GABPA: variants seen among roughly 807,000 people sequenced by gnomAD.
GABPA encodes GA-binding protein alpha chain.
In GABPA, 4 loss-of-function variants were observed where a neutral mutation model predicts 59.4. The observed-to-expected ratio is 0.07, with a 90% CI of 0.03 to 0.15. GABPA has a LOEUF of 0.15. GABPA is among the 10% of genes least tolerant of loss of function. The pLI is 1.00. For missense variants in GABPA, 251 were observed against 543.8 expected (o/e 0.46, Z 5.36); for synonymous variants, 164 against 183.1 (o/e 0.90, Z 0.84).
chr21:25,763,534 T>C (rs549117272), intron 7 of GABPA, among the ~76,000 whole-genome samples: 2 of 152,216 alleles, frequency 1.3e-5, no homozygotes, highest in Non-Finnish European at 2.9e-5. Context: ...ATTTTATGTT[T>C]ATTACTGTCT....
intron 4 of GABPA, among the ~76,000 whole-genome samples, chr21:25,751,500 A>AT (rs1352135321): frequency 6.6e-6 from 1 of 151,574 alleles, no homozygotes; most frequent in African/African-American, 2.4e-5. Flanking sequence ...GGTTAATTTA[A>AT]TTTAGTAAAT....
chr21:25,758,817 C>T (rs779506626), intron 6 of GABPA, among the ~76,000 whole-genome samples: 8 of 152,098 alleles, frequency 5.3e-5, no homozygotes, highest in Non-Finnish European at 8.8e-5. Context: ...GATTAAGTGA[C>T]CATGTAAAGA....
rs775900065 is a variant in GABPA, at chr21:25,762,357, T to C, written c.794T>C (p.Ile265Thr). ...QEQQMNEIVTIDQPVQIIPAS... is the reference protein window; with the variant it reads ...QEQQMNEIVTTDQPVQIIPAS... ...CAACAGATGAATGAAATAGTTACAA[T>C]TGATCAACGTGAGTATTTGTACCTA... is the stretch of plus-strand genomic sequence containing the variant. The change falls in exon 7 of 10, where the codon ATT becomes ACT. Residue 265 changes from isoleucine (I) to threonine (T), a missense_variant. Ile to Thr is a moderately conservative substitution (Grantham distance 89). Around this residue, in one of 4 missense-constraint regions of GABPA, gnomAD observed 207 missense variants for 366.7 expected, o/e 0.56. Transcript: ENST00000400075. The C allele has an allele frequency of 7.6e-6, 12 of 1,574,786 alleles. No homozygotes were observed. Among genetic ancestry groups the C allele is most frequent in the African/African-American group, 2.7e-5 (2 of 73,464 alleles).
At position 25,769,925 on chromosome 21, in the gene GABPA, A is replaced by G. The variant is rs994513819; in HGVS notation, c.*693A>G. On this transcript the variant is annotated 3_prime_UTR_variant, in exon 10 of 10. Coordinates refer to ENST00000400075, the MANE Select transcript of GABPA (RefSeq NM_002040.4). ...TATAGATTACTCATGTCAGACCAAG[A>G]ATTTAAATTATTTTGAGAGAGGCAT... The G allele has an allele frequency of 1.3e-4, 20 of 152,620 alleles. No individual in the cohort carries two copies. The highest frequency in any genetic ancestry group is 4.8e-4 in the African/African-American group (20 of 41,454). The allele number at this position is 152,620 out of a possible 1,614,324, so 9.5% of individuals were successfully genotyped here.
chr21:25,749,669 T>A (rs1297605444), intron 4 of GABPA, among the ~76,000 whole-genome samples: 4 of 152,136 alleles, frequency 2.6e-5, no homozygotes, highest in African/African-American at 7.2e-5. Context: ...CCATCTCTAC[T>A]AAAAATACAG....
chr21:25,763,411 C>G (rs1022079686), intron 7 of GABPA: 1 of 207,656 alleles, frequency 4.8e-6, no homozygotes. Context: ...ATTTGAGATA[C>G]ACAAAGAAAG....
chr21:25,749,714 C>G (rs2035459568), intron 4 of GABPA, among the ~76,000 whole-genome samples: 1 of 152,234 alleles, frequency 6.6e-6, no homozygotes, highest in Non-Finnish European at 1.5e-5. Context: ...GCCTGTAATC[C>G]CAGCTACTTG....
intron 4 of GABPA, among the ~76,000 whole-genome samples, chr21:25,750,590 G>A (rs1366337861): frequency 6.6e-6 from 1 of 152,154 alleles, no homozygotes; most frequent in Non-Finnish European, 1.5e-5. Flanking sequence ...GTTTTTGGTA[G>A]GTTGAATTTT....
intron 3 of GABPA, among the ~76,000 whole-genome samples, chr21:25,745,863 C>T (rs1911887574): frequency 6.6e-6 from 1 of 152,090 alleles, no homozygotes; most frequent in Non-Finnish European, 1.5e-5. Flanking sequence ...TATGTTATGT[C>T]TGAAACATAT....
intron 3 of GABPA, among the ~76,000 whole-genome samples, chr21:25,747,068 G>A (rs1405255662): frequency 6.6e-6 from 1 of 152,168 alleles, no homozygotes; most frequent in African/African-American, 2.4e-5. Context: ...GTCACATTCT[G>A]CAGATGTAGA....
chr21:25,741,389 C>G (rs897281332), intron 1 of GABPA, among the ~76,000 whole-genome samples, 184 bp from the exon 2 acceptor site: 2 of 151,914 alleles, frequency 1.3e-5, no homozygotes, highest in African/African-American at 2.4e-5. Context: ...CTGCCTTGGC[C>G]TCCCAAAGTC....
rs745725266 is a variant in GABPA, at chr21:25,764,586, C to T, written c.944-9C>T. The T allele has an allele frequency of 1.6e-5, 26 of 1,608,078 alleles. No individual in the cohort carries two copies. The highest frequency in any genetic ancestry group is 2.2e-5 in the Non-Finnish European group (26 of 1,176,128). ...TATAGCTAATGCTTTGTTCCTCTTA[C>T]CAATTTAGGAAACAATGGCCAAATC... On this transcript the variant is annotated splice_polypyrimidine_tract_variant and intron_variant, in intron 8 of 9. Transcript: ENST00000400075.
chr21:25,747,832 A>T (rs2035406091), intron 3 of GABPA, among the ~76,000 whole-genome samples: 1 of 152,238 alleles, frequency 6.6e-6, no homozygotes, highest in Non-Finnish European at 1.5e-5. Context: ...CTTGACATTA[A>T]GACAATTTTT....
rs530392554 is a variant in GABPA at position 25,735,326 on chromosome 21, C to T, written c.-279C>T. 19 of 259,658 alleles carry T rather than the reference C, an allele frequency of 7.3e-5. No homozygotes were observed. The highest frequency in any genetic ancestry group is 1.5e-4 in the Admixed American group (3 of 19,488). 16.1% of individuals were successfully genotyped at this position (259,658 alleles called of 1,614,324 possible). The stretch of plus-strand genomic sequence containing the variant: ...GTGCTTCCTTGTACCTCGTGAGCCT[C>T]CGTTGCCTTGGGCGGTCGTTTTGCG... On this transcript the variant is annotated 5_prime_UTR_variant, in exon 1 of 10. Coordinates refer to ENST00000400075, the MANE Select transcript of GABPA (RefSeq NM_002040.4).
chr21:25,751,245 T>C (rs1410177458), intron 4 of GABPA, among the ~76,000 whole-genome samples: 1 of 135,746 alleles, frequency 7.4e-6, no homozygotes, highest in African/African-American at 2.8e-5. Flanking sequence ...TATAATTTAA[T>C]TAGGTATAAT....
At chr21:25,764,811 C>T (rs776297945) in intron 9 of GABPA, 24 bp downstream of exon 9, 1 of 1,481,974 alleles carries the variant, frequency 6.7e-7, no homozygotes, top group Non-Finnish European at 9.0e-7. Context: ...ACTTTTTTTT[C>T]TGTTATCAAA....
chr21:25,738,826 T>TG (rs927679380), intron 1 of GABPA, among the ~76,000 whole-genome samples: 2 of 152,156 alleles, frequency 1.3e-5, no homozygotes, highest in Non-Finnish European at 2.9e-5. Context: ...CCTGTTTTCT[T>TG]CAGCCCTCAG....
intron 2 of GABPA, among the ~76,000 whole-genome samples, chr21:25,742,622 C>T (rs1214329595): frequency 3.3e-5 from 5 of 151,968 alleles, no homozygotes; most frequent in Non-Finnish European, 5.9e-5. Context: ...ACTAAAAATG[C>T]GTAACATTCA....
chr21:25,734,984 C>G lies in GABPA; in HGVS notation c.-621C>G, dbSNP rs2123468575. The G allele has an allele frequency of 6.4e-7, 1 of 1,558,826 alleles. No individual in the cohort carries two copies. The highest frequency in any genetic ancestry group is 1.2e-5 in the South Asian group (1 of 84,732). On this transcript the variant is annotated 5_prime_UTR_variant, in exon 1 of 10. Coordinates refer to ENST00000400075, the MANE Select transcript of GABPA (RefSeq NM_002040.4). ...GGGCCGCCGTTTCAGTCGGTCGACG[C>G]TCACCGGACAGGAAGCGTCTCGGAG...
Sources: gnomAD v4.1 joint callset for allele counts (sites outside exome capture counted in the v4.1 genomes callset) on GRCh38, gnomAD v4.1.1 for gene constraint, gnomAD v4.1.1 regional missense constraint, MANE v1.5 for transcripts, NCBI Gene and HGNC (gene_info 2026-07-23, HGNC 2026-07-21) for gene names.